MZT2B: variants seen among roughly 807,000 people sequenced by gnomAD.
MZT2B encodes mitotic spindle organizing protein 2B.
Under a neutral mutation model 12.1 loss-of-function variants are expected in MZT2B, and 11 were observed. The observed-to-expected ratio is 0.91, with a 90% CI of 0.57 to 1.50. The LOEUF is 1.50. Ranked by LOEUF, MZT2B falls within the 40% of genes most tolerant of loss-of-function variation. The probability of loss-of-function intolerance (pLI) is 0.00; values close to 1 mark genes in which losing one functional copy is unlikely to be tolerated. For missense variants in MZT2B, 209 were observed against 227.7 expected, an observed-to-expected ratio of 0.92 and a Z score of 0.53; for synonymous variants, 85 against 109.5, an observed-to-expected ratio of 0.78 and a Z score of 1.40.
chr2:130,198,541 T>C, the MZT2B span: 8 of 726,920 alleles, frequency 1.1e-5, 1 homozygote, highest in Non-Finnish European at 1.7e-5. Context: ...CCAGTTCTGA[T>C]TGGCCGTTGC....
intron 2 of MZT2B, chr2:130,184,972 C>A (rs1222851909): frequency 1.3e-6 from 1 of 791,606 alleles, no homozygotes. Flanking sequence ...CAAGACCAGC[C>A]TGGGCAACAT....
rs1319623382 is a variant in MZT2B at position 130,182,691 on chromosome 2, A to G, written c.235A>G (p.Met79Val). 7.7e-6 allele frequency: 12 copies of G among 1,552,378 alleles called. No homozygotes were observed. The highest frequency in any genetic ancestry group is 9.6e-6 in the Non-Finnish European group (11 of 1,148,288). ...CGCCGTCTTCCAGATGCTCAAGTCCATGTGTGCCGGGCAGAGGCTAGCGAG... is the reference window on the plus strand; with the variant it reads ...CGCCGTCTTCCAGATGCTCAAGTCCGTGTGTGCCGGGCAGAGGCTAGCGAG... ...PLAVFQMLKS[M>V]CAGQRLASEP... Residue 79 changes from methionine (M) to valine (V), a missense_variant, in exon 2 of 3, where the codon ATG (methionine) becomes GTG (valine). Met to Val is a conservative substitution (Grantham distance 21). Transcript: ENST00000281871.
intron 2 of MZT2B, among the ~76,000 whole-genome samples, chr2:130,190,089 T>G (rs1297406491): frequency 6.6e-6 from 1 of 152,244 alleles, no homozygotes; most frequent in Non-Finnish European, 1.5e-5. Flanking sequence ...GCATCCCTGC[T>G]GCTGCCGCCG....
chr2:130,184,005 C>A, intron 2 of MZT2B: 1 of 1,550,478 alleles, frequency 6.4e-7, no homozygotes, highest in Non-Finnish European at 8.7e-7. Context: ...TTGGTGCTCT[C>A]CCTTGTTTCC....
chr2:130,190,262 C>G (rs1690214804), intron 2 of MZT2B, among the ~76,000 whole-genome samples: 1 of 152,178 alleles, frequency 6.6e-6, no homozygotes. Flanking sequence ...CCAAAAGGGT[C>G]CCCTGCACAC....
At chr2:130,186,575 T>C (rs537742936) in intron 2 of MZT2B, among the ~76,000 whole-genome samples, 33 of 152,332 alleles carry the variant, frequency 2.2e-4, no homozygotes, top group African/African-American at 7.7e-4. Context: ...GAGCCACACA[T>C]GGCTGGCATG....
the MZT2B span, chr2:130,196,443 T>C: frequency 1.9e-6 from 3 of 1,555,354 alleles, no homozygotes; most frequent in Non-Finnish European, 8.7e-7. Flanking sequence ...TGCAAAATAT[T>C]CTAATTTAAT....
At chr2:130,190,752 T>G (rs2054077832), downstream of MZT2B, 3 of 1,396,320 alleles carry the variant, frequency 2.1e-6, no homozygotes, top group Non-Finnish European at 9.3e-7. Flanking sequence ...TTTTTTTTTT[T>G]TGTTTTTTTT....
chr2:130,182,069 A>G, upstream of MZT2B: 1 of 1,342,990 alleles, frequency 7.4e-7, no homozygotes, highest in South Asian at 1.6e-5. Context: ...CCGCCATGCC[A>G]CTCCCGGCTC....
At chr2:130,186,630 G>A (rs982527025) in intron 2 of MZT2B, among the ~76,000 whole-genome samples, 5 of 152,120 alleles carry the variant, frequency 3.3e-5, no homozygotes, top group South Asian at 2.1e-4. Context: ...CCAAATGACC[G>A]GTACAAAAGG....
chr2:130,185,350 C>T (rs6431132), intron 2 of MZT2B, among the ~76,000 whole-genome samples: 14,330 of 149,548 alleles, frequency 0.096, 2,139 homozygotes, highest in African/African-American at 0.32. Context: ...ATGGTGGTGG[C>T]GCCCATCTGT....
chr2:130,198,453 G>T, the MZT2B span: 3 of 1,313,294 alleles, frequency 2.3e-6, 1 homozygote, highest in Non-Finnish European at 3.1e-6. Flanking sequence ...CTGCCCACGC[G>T]CGCCGCACAG....
chr2:130,203,514 G>A, the MZT2B span, among the ~76,000 whole-genome samples: 73 of 151,934 alleles, frequency 4.8e-4, no homozygotes, highest in Non-Finnish European at 8.2e-4. Flanking sequence ...GGTAAGGTTG[G>A]GTTGTCAGTG....
chr2:130,199,790 T>G, the MZT2B span, among the ~76,000 whole-genome samples: 2 of 62,472 alleles, frequency 3.2e-5, 1 homozygote, highest in Non-Finnish European at 7.3e-5. Context: ...GAATTTATAT[T>G]AAAATAACGT....
chr2:130,185,080 C>A (rs1315853229), intron 2 of MZT2B, among the ~76,000 whole-genome samples: 1 of 152,084 alleles, frequency 6.6e-6, no homozygotes. Flanking sequence ...GAGGCCGAGG[C>A]GGGCGGATCT....
At chr2:130,190,796 G>A (rs1290156348), downstream of MZT2B, 73 of 1,347,594 alleles carry the variant, frequency 5.4e-5, no homozygotes, top group Non-Finnish European at 6.6e-5. Context: ...TGAAGTTTCT[G>A]TGCCGGTCCT....
the MZT2B span, chr2:130,196,506 G>A: frequency 1.3e-3 from 1,662 of 1,264,622 alleles, 12 homozygotes; most frequent in Middle Eastern, 0.015. Flanking sequence ...TTTCCTAGGA[G>A]GGTTAGTGAC....
chr2:130,200,588 C>T, the MZT2B span, among the ~76,000 whole-genome samples: 1 of 152,160 alleles, frequency 6.6e-6, no homozygotes, highest in Non-Finnish European at 1.5e-5. Context: ...ATTCTGCACA[C>T]CTCACATAAC....
the MZT2B span, among the ~76,000 whole-genome samples, chr2:130,203,041 CTTTTTTCT>C: frequency 2.2e-5 from 3 of 138,248 alleles, no homozygotes; most frequent in East Asian, 4.3e-4. Flanking sequence ...TTTTTCTTTT[CTTTTTTCT>C]TTTTTTTTTT....
Sources: allele counts gnomAD v4.1 joint callset (sites outside exome capture counted in the v4.1 genomes callset), GRCh38; gene constraint gnomAD v4.1.1; transcripts MANE v1.5; gene names NCBI Gene and HGNC (gene_info 2026-07-23, HGNC 2026-07-21).